The following PTPRN2 variants were observed in gnomAD, a reference collection of about 807,000 sequenced individuals.
PTPRN2 encodes receptor-type tyrosine-protein phosphatase N2.
Under a neutral mutation model 118.8 loss-of-function variants are expected in PTPRN2, and 74 were observed. The ratio of observed to expected loss-of-function variants is 0.62; its 90% confidence interval spans 0.52 to 0.76. PTPRN2 has a LOEUF of 0.76. Ranked by LOEUF, PTPRN2 falls within the 30% of genes least tolerant of loss-of-function variation. PTPRN2 has a pLI of 0.00. For missense variants in PTPRN2, 1,481 were observed against 1,394.4 expected (o/e 1.06, Z -0.99); for synonymous variants, 641 against 608.0 (o/e 1.05, Z -0.80).
At chr7:158,531,038 A>G (rs527433153) in intron 1 of PTPRN2, among the ~76,000 whole-genome samples, 242 of 152,230 alleles carry the variant, frequency 1.6e-3, no homozygotes, top group South Asian at 2.9e-3. Flanking sequence ...GTGTGTGAAC[A>G]TGTGCATGGG....
chr7:158,158,861 G>T (rs62480259), intron 6 of PTPRN2, among the ~76,000 whole-genome samples: 29,971 of 42,506 alleles, frequency 0.71, 10,650 homozygotes, highest in East Asian at 0.82. Context: ...ACTTCGCAAG[G>T]GCTTTCTGAA....
At chr7:157,776,856 TCCTCC>T (rs1479642436) in intron 12 of PTPRN2, among the ~76,000 whole-genome samples, 10 of 33,642 alleles carry the variant, frequency 3.0e-4, no homozygotes, top group African/African-American at 6.2e-4. Context: ...CCTCTCCTCC[TCCTCC>T]CTCTCCTCCT....
At position 158,529,995 on chromosome 7, in the gene PTPRN2, C is replaced by T. The variant is rs938690615; in HGVS notation, c.113-40210G>A. The stretch of plus-strand genomic sequence containing the variant: ...CGCCACACATGCCATACACACCACA[C>T]GCATGCCACATGCACACCCCTAACT... On this transcript the variant is annotated intron_variant, in intron 1 of 22. Transcript: ENST00000389418. The surrounding 1 kb of genome is among the most constrained non-coding windows in gnomAD (Gnocchi z 4.7). 4.6e-5 allele frequency among the ~76,000 whole-genome samples: 7 copies of T among 152,172 alleles called. No homozygotes were observed. The highest frequency in any genetic ancestry group is 2.1e-4 in the South Asian group (1 of 4,832).
At chr7:158,155,527 CATCAGCACT>C in intron 6 of PTPRN2, among the ~76,000 whole-genome samples, 2 of 145,568 alleles carry the variant, frequency 1.4e-5, no homozygotes, top group East Asian at 2.1e-4. Flanking sequence ...TCACCATCAC[CATCAGCACT>C]ATCATCACCA....
At chr7:158,216,803 T>C (rs1827991130) in intron 3 of PTPRN2, among the ~76,000 whole-genome samples, 1 of 152,182 alleles carries the variant, frequency 6.6e-6, no homozygotes, top group South Asian at 2.1e-4. Flanking sequence ...AGAGTATATG[T>C]TCTTTTCAAT....
intron 11 of PTPRN2, among the ~76,000 whole-genome samples, chr7:157,983,924 C>T (rs901790099): frequency 3.9e-5 from 6 of 152,110 alleles, no homozygotes; most frequent in African/African-American, 1.2e-4. Flanking sequence ...GCTGAAACTG[C>T]GGCACAGTAA....
At chr7:157,905,002 C>T (rs1409518235) in intron 11 of PTPRN2, among the ~76,000 whole-genome samples, 3 of 152,326 alleles carry the variant, frequency 2.0e-5, no homozygotes, top group East Asian at 1.9e-4. Flanking sequence ...CTTGATGCTC[C>T]GCCGGATTTC....
intron 3 of PTPRN2, among the ~76,000 whole-genome samples, chr7:158,263,758 G>A (rs529701347): frequency 7.2e-5 from 11 of 152,182 alleles, no homozygotes; most frequent in East Asian, 1.9e-4. Flanking sequence ...CAAAGCACCC[G>A]TGGCACCTGG....
rs1262537255 is a variant in PTPRN2 at position 157,587,243 on chromosome 7, G to A, written c.2496+7995C>T. ...ACACACAGGCAGACAGGCAGACAGCGAGACAGGCAGACAGACAGGCAGACA... is the reference window on the plus strand; with the variant it reads ...ACACACAGGCAGACAGGCAGACAGCAAGACAGGCAGACAGACAGGCAGACA... On this transcript the variant is annotated intron_variant, in intron 17 of 22. Transcript: ENST00000389418. This position sits in a 1 kb window ranked among gnomAD's most constrained non-coding sequence, Gnocchi z 5.3. Among the ~76,000 whole-genome samples the A allele has an allele frequency of 1.3e-5, 2 of 148,826 alleles. No individual in the cohort carries two copies. The highest frequency in any genetic ancestry group is 2.5e-5 in the African/African-American group (1 of 39,306).
intron 11 of PTPRN2, among the ~76,000 whole-genome samples, chr7:157,996,401 C>T (rs1344159037): frequency 1.4e-4 from 21 of 152,252 alleles, no homozygotes; most frequent in African/African-American, 4.6e-4. Context: ...TAAGACCGCA[C>T]TTGGACCCCA....
intron 3 of PTPRN2, among the ~76,000 whole-genome samples, chr7:158,258,020 G>A (rs963475984): frequency 2.0e-5 from 3 of 152,218 alleles, no homozygotes; most frequent in Non-Finnish European, 4.4e-5. Flanking sequence ...TTCTTGAGAG[G>A]CAGTTTTCAC....
At chr7:157,976,777 T>A (rs1487294846) in intron 11 of PTPRN2, among the ~76,000 whole-genome samples, 1 of 151,848 alleles carries the variant, frequency 6.6e-6, no homozygotes, top group African/African-American at 2.4e-5. Context: ...AACTAAGTAA[T>A]ATTTTGTTTT....
intron 2 of PTPRN2, among the ~76,000 whole-genome samples, chr7:158,341,545 T>A (rs28673367): frequency 4.3e-5 from 1 of 23,524 alleles, no homozygotes. Context: ...AGAGGTGACA[T>A]CTGCAGACGT....
At chr7:158,270,177 C>T (rs1798215029) in intron 3 of PTPRN2, among the ~76,000 whole-genome samples, 1 of 152,262 alleles carries the variant, frequency 6.6e-6, no homozygotes, top group East Asian at 1.9e-4. Context: ...GACACCTGAA[C>T]TGGTCAGGCC....
chr7:158,586,165 C>T (rs375609143), intron 1 of PTPRN2, among the ~76,000 whole-genome samples: 1 of 152,198 alleles, frequency 6.6e-6, no homozygotes, highest in African/African-American at 2.4e-5. Context: ...GACCTCCTTT[C>T]CCAGCGCCTG....
chr7:158,378,342 C>G (rs977217760), intron 2 of PTPRN2, among the ~76,000 whole-genome samples: 3 of 152,194 alleles, frequency 2.0e-5, no homozygotes, highest in Admixed American at 6.5e-5. Context: ...AGAGGCTTCC[C>G]CAGGCACCTC....
chr7:158,457,007 T>C (rs750657601), intron 2 of PTPRN2, among the ~76,000 whole-genome samples: 12 of 152,302 alleles, frequency 7.9e-5, no homozygotes, highest in Middle Eastern at 3.4e-3. Context: ...TCTTTAATAA[T>C]GTTCTAGTAT....
intron 6 of PTPRN2, among the ~76,000 whole-genome samples, chr7:158,146,777 C>A (rs940077975): frequency 7.3e-5 from 11 of 149,728 alleles, no homozygotes; most frequent in East Asian, 3.9e-4. Flanking sequence ...GCTTCATTTT[C>A]TTGAGGGCTA....
intron 8 of PTPRN2, 115 bp downstream of exon 8, chr7:158,136,540 C>T: frequency 1.1e-6 from 1 of 915,926 alleles, no homozygotes; most frequent in Non-Finnish European, 1.7e-6. Flanking sequence ...AGGGGTTTCT[C>T]CATAATTTTC....
Sources: gnomAD v4.1 joint callset for allele counts (sites outside exome capture counted in the v4.1 genomes callset) on GRCh38, gnomAD v4.1.1 for gene constraint, Gnocchi (gnomAD v3.1) non-coding constraint, MANE v1.5 for transcripts, NCBI Gene and HGNC (gene_info 2026-07-23, HGNC 2026-07-21) for gene names.